Variants in ANO1 observed in about 807,000 individuals in gnomAD.
The protein encoded by ANO1 is anoctamin-1.
Under a neutral mutation model 124.0 loss-of-function variants are expected in ANO1, and 59 were observed. That is an observed-to-expected ratio of 0.48 (90% CI 0.39 to 0.59). The LOEUF is 0.59. Among genes scored for constraint, ANO1 ranks in the 20% least tolerant of loss-of-function variants. The probability of loss-of-function intolerance (pLI) is 0.00; values close to 1 mark genes in which losing one functional copy is unlikely to be tolerated. For synonymous variants in ANO1, 529 were observed against 532.0 expected, an observed-to-expected ratio of 0.99 and a Z score of 0.08; for missense variants, 1,059 against 1,328.0, an observed-to-expected ratio of 0.80 and a Z score of 3.15.
intron 1 of ANO1, among the ~76,000 whole-genome samples, chr11:70,053,281 C>T (rs1348244805): frequency 6.6e-6 from 1 of 152,010 alleles, no homozygotes; most frequent in East Asian, 1.9e-4. Flanking sequence ...CTTTTTCTTG[C>T]CTTATTACAT....
chr11:70,109,444 A>C (rs889504978), intron 6 of ANO1, among the ~76,000 whole-genome samples: 11 of 152,188 alleles, frequency 7.2e-5, no homozygotes, highest in African/African-American at 2.7e-4. Context: ...GAAGTCTCTA[A>C]GTCCATGTCC....
chr11:70,145,054 C>T (rs1262680649), intron 11 of ANO1, among the ~76,000 whole-genome samples: 1 of 152,118 alleles, frequency 6.6e-6, no homozygotes, highest in East Asian at 1.9e-4. Context: ...TTGGGACCCT[C>T]GGAGGGCAGG....
chr11:70,059,995 C>T (rs1391918749), intron 1 of ANO1, among the ~76,000 whole-genome samples: 3 of 108,210 alleles, frequency 2.8e-5, no homozygotes, highest in African/African-American at 1.1e-4. Context: ...TTGGCATAGA[C>T]ATTTTCCTTT....
chr11:70,166,404 C>T (rs904571890), intron 20 of ANO1, among the ~76,000 whole-genome samples: 8 of 152,204 alleles, frequency 5.3e-5, no homozygotes, highest in Non-Finnish European at 1.0e-4. Context: ...GAATGACACC[C>T]CACTCCCCAT....
chr11:70,090,412 C>A (rs771399504), intron 2 of ANO1, among the ~76,000 whole-genome samples: 15 of 152,220 alleles, frequency 9.9e-5, no homozygotes, highest in Non-Finnish European at 1.8e-4. Context: ...TGACTGACTT[C>A]TGCCAGATCC....
intron 1 of ANO1, among the ~76,000 whole-genome samples, chr11:69,998,764 A>G (rs1027082297): frequency 2.0e-5 from 3 of 152,112 alleles, no homozygotes. Context: ...CCTGACCAAC[A>G]TGGCAAAACC....
At chr11:69,988,622 C>T (rs1404103243) in intron 1 of ANO1, among the ~76,000 whole-genome samples, 1 of 152,214 alleles carries the variant, frequency 6.6e-6, no homozygotes, top group Non-Finnish European at 1.5e-5. Context: ...CAAGCCCACT[C>T]TCCCAGGGAG....
At chr11:70,045,185 A>G (rs1249184004) in intron 1 of ANO1, among the ~76,000 whole-genome samples, 1 of 152,248 alleles carries the variant, frequency 6.6e-6, no homozygotes, top group Non-Finnish European at 1.5e-5. Context: ...TAAAGGCTAA[A>G]CAGGCATTCC....
chr11:70,018,257 T>TGAGGACTCCTTCCACTCAG (rs1856737021), intron 1 of ANO1: 1 of 152,436 alleles, frequency 6.6e-6, no homozygotes, highest in Non-Finnish European at 1.5e-5. Flanking sequence ...CTCAGGAGGC[T>TGAGGACTCCTTCCACTCAG]GAGGTGGAAG....
chr11:70,125,130 G>A (rs2046441754), intron 9 of ANO1, among the ~76,000 whole-genome samples: 1 of 151,820 alleles, frequency 6.6e-6, no homozygotes, highest in South Asian at 2.1e-4. Context: ...ATTACTTGAG[G>A]TCAGGAGTTC....
At position 70,005,333 on chromosome 11, in the gene ANO1, A is replaced by AC. The variant is rs1288770432; in HGVS notation, c.58+19168dup. ...GGTGAAGTAACATGGCAGAAGTCAC[A>AC]CAGCCCAAACTGATATATCAGAGCA... On this transcript the variant is annotated intron_variant, in intron 1 of 27. Coordinates refer to the ANO1 transcript ENST00000531349. Among the ~76,000 whole-genome samples, 12 of 152,322 alleles carry AC rather than the reference A, an allele frequency of 7.9e-5. No individual in the cohort carries two copies. In the South Asian group the frequency reaches 1.7e-3, roughly 21 times the overall value.
upstream of ANO1, among the ~76,000 whole-genome samples, chr11:69,981,056 A>C (rs910156160): frequency 6.6e-6 from 1 of 152,244 alleles, no homozygotes; most frequent in Admixed American, 6.5e-5. Context: ...CTTTACAAAA[A>C]AATAAAAAAT....
chr11:70,062,723 G>C (rs1555007938), intron 1 of ANO1, among the ~76,000 whole-genome samples: 1 of 152,186 alleles, frequency 6.6e-6, no homozygotes. Context: ...AAACCTGCCT[G>C]TCCTCTGGGC....
rs201870990 is a variant in ANO1, at chr11:70,161,248, G to C, written c.1666G>C (p.Val556Leu). ...AALAMNSSPS[V>L]RSNIRVTVTA... ...CTTGGCCATGAACTCCTCCCCCTCCGTGCGGTCCAACATCCGGGTCACAGT... is the reference window on the plus strand; with the variant it reads ...CTTGGCCATGAACTCCTCCCCCTCCCTGCGGTCCAACATCCGGGTCACAGT... Residue 556 changes from valine to leucine, a missense_variant, in exon 17 of 26, where the codon GTG (valine) becomes CTG (leucine). Val to Leu is a conservative substitution (Grantham distance 32). Coordinates refer to ENST00000355303, the MANE Select transcript of ANO1 (RefSeq NM_018043.7). 6.2e-7 allele frequency: 1 copy of C among 1,613,862 alleles called. No homozygotes were observed. The highest frequency in any genetic ancestry group is 1.7e-5 in the Admixed American group (1 of 60,022).
chr11:70,122,803 C>A (rs956287414), intron 8 of ANO1, among the ~76,000 whole-genome samples: 4 of 152,184 alleles, frequency 2.6e-5, no homozygotes, highest in African/African-American at 9.7e-5. Flanking sequence ...CCTCCTCACT[C>A]TCTGCCGCAT....
At chr11:69,974,532 G>T in the ANO1 span, among the ~76,000 whole-genome samples, 1 of 152,210 alleles carries the variant, frequency 6.6e-6, no homozygotes, top group African/African-American at 2.4e-5. Context: ...CTGGTTCAAG[G>T]TGTGCAGCAG....
At chr11:70,040,277 G>A (rs780903805) in intron 1 of ANO1, among the ~76,000 whole-genome samples, 2 of 152,064 alleles carry the variant, frequency 1.3e-5, no homozygotes, top group Non-Finnish European at 2.9e-5. Context: ...CTAAGGTTTT[G>A]TGTCTTACTA....
At chr11:70,110,533 G>C (rs2045732901) in intron 6 of ANO1, among the ~76,000 whole-genome samples, 1 of 152,086 alleles carries the variant, frequency 6.6e-6, no homozygotes, top group African/African-American at 2.4e-5. Flanking sequence ...CACACATGTG[G>C]CTTAAGCCCC....
intron 2 of ANO1, 37 bp from the exon 3 acceptor site, chr11:70,103,029 G>A (rs937985772): frequency 1.8e-5 from 27 of 1,470,506 alleles, no homozygotes; most frequent in Non-Finnish European, 2.4e-5. Flanking sequence ...GAGATGCACC[G>A]CCCCCCCTCA....
Sources: allele counts gnomAD v4.1 joint callset (sites outside exome capture counted in the v4.1 genomes callset), GRCh38; gene constraint gnomAD v4.1.1; transcripts MANE v1.5; gene names NCBI Gene and HGNC (gene_info 2026-07-23, HGNC 2026-07-21).